Variants in ANKH observed in about 807,000 individuals in gnomAD.
The protein encoded by ANKH is mineralization regulator ANKH.
In ANKH, 15 loss-of-function variants were observed where a neutral mutation model predicts 49.0. The ratio of observed to expected loss-of-function variants is 0.31; its 90% CI spans 0.20 to 0.47. The LOEUF is 0.47. Among genes scored for constraint, ANKH ranks in the 20% least tolerant of loss-of-function variants. ANKH has a pLI of 1.00. For synonymous variants in ANKH, 273 were observed against 260.0 expected (o/e 1.05, Z -0.48); for missense variants, 429 against 652.0 (o/e 0.66, Z 3.72).
intron 1 of ANKH, among the ~76,000 whole-genome samples, chr5:14,816,093 A>G (rs1741028589): frequency 6.6e-6 from 1 of 152,216 alleles, no homozygotes; most frequent in South Asian, 2.1e-4. Flanking sequence ...CTGACCCACA[A>G]AACATCCCAG....
At position 14,713,469 on chromosome 5, in the gene ANKH, T is replaced by G. The variant is rs1737317804; in HGVS notation, c.1265+75A>C. 4 of 1,584,260 alleles carry G rather than the reference T, an allele frequency of 2.5e-6. No individual in the cohort carries two copies. Among genetic ancestry groups the G allele is most frequent in the South Asian group, 1.1e-5 (1 of 88,446 alleles). On this transcript the variant is annotated intron_variant, in intron 10 of 11. Transcript: ENST00000284268. This position sits in a 1 kb window ranked among gnomAD's most constrained non-coding sequence, Gnocchi z 4.4. ...CGTGCCTGGGGATTTCCCCTGAAAA[T>G]GTAGCTGTTAAACCTCTGGACACAG...
At chr5:14,784,369 C>T (rs911054567) in intron 1 of ANKH, among the ~76,000 whole-genome samples, 82 of 152,306 alleles carry the variant, frequency 5.4e-4, no homozygotes, top group African/African-American at 1.9e-3. Context: ...GTGCTCCTTC[C>T]TCTGCACCTC....
chr5:14,734,228 T>C (rs913930755), intron 8 of ANKH, among the ~76,000 whole-genome samples: 1 of 152,126 alleles, frequency 6.6e-6, no homozygotes, highest in Non-Finnish European at 1.5e-5. Flanking sequence ...TGCTCTGCCG[T>C]AATCATTTTT....
intron 6 of ANKH, among the ~76,000 whole-genome samples, chr5:14,746,758 AGCTTGGAGG>A (rs961830923): frequency 6.6e-6 from 1 of 152,226 alleles, no homozygotes; most frequent in Admixed American, 6.5e-5. Flanking sequence ...GAACAAGGAC[AGCTTGGAGG>A]TTGGAAGCAA....
At chr5:14,797,449 C>G in intron 1 of ANKH, 1 of 1,611,192 alleles carries the variant, frequency 6.2e-7, no homozygotes, top group Non-Finnish European at 8.5e-7. Context: ...AATATTTCAT[C>G]CTTATGTGAC....
At position 14,829,180 on chromosome 5, in the gene ANKH, G is replaced by A. The variant is rs1215508249; in HGVS notation, c.96+42172C>T. On this transcript the variant is annotated intron_variant, in intron 1 of 11. Coordinates refer to ENST00000284268, the MANE Select transcript of ANKH (RefSeq NM_054027.6). ...AGCCTGGGCGACAGAGAGAGACTCT[G>A]TCTCAAAAAAAAAAAAAAAAAAAAA... is the stretch of plus-strand genomic sequence containing the variant. Among the ~76,000 whole-genome samples, 48 of 75,366 alleles carry A rather than the reference G, an allele frequency of 6.4e-4. 1 individual carries two copies. Among genetic ancestry groups the A allele is most frequent in the African/African-American group, 3.1e-3 (44 of 14,212 alleles). The allele number at this position is 75,366 out of a possible 152,430, so 49.4% of individuals were successfully genotyped here.
chr5:14,800,766 G>A (rs545651555), intron 1 of ANKH, among the ~76,000 whole-genome samples: 9 of 96,832 alleles, frequency 9.3e-5, no homozygotes, highest in South Asian at 3.1e-4. Context: ...TTGCTCCTTT[G>A]CCCAGGTTGG....
chr5:14,793,380 G>T (rs1448918469), intron 1 of ANKH, among the ~76,000 whole-genome samples: 5 of 151,962 alleles, frequency 3.3e-5, no homozygotes, highest in Non-Finnish European at 5.9e-5. Flanking sequence ...CTCAGCCATG[G>T]TGGCTTTGCC....
chr5:14,843,147 G>C (rs1438599844), intron 1 of ANKH, among the ~76,000 whole-genome samples: 2 of 151,256 alleles, frequency 1.3e-5, no homozygotes, highest in Admixed American at 6.6e-5. Flanking sequence ...CCTAACAAAC[G>C]AGACCTTTGC....
Position 14,871,717 on chromosome 5 carries a change from A to ACGGCGG in ANKH, c.-276_-271dup, listed in dbSNP as rs531421951. 69 of 157,528 alleles carry ACGGCGG rather than the reference A, an allele frequency of 4.4e-4. No homozygotes were observed. Among genetic ancestry groups the ACGGCGG allele is most frequent in the East Asian group, 9.5e-4 (5 of 5,280 alleles). 9.8% of individuals were successfully genotyped at this position (157,528 alleles called of 1,614,324 possible). The stretch of plus-strand genomic sequence containing the variant: ...TCTGCCGGGAAAAAAAAGAGGAGGG[A>ACGGCGG]CGGCGGCGGCGGCGGCGGCGGCAGA... On this transcript the variant is annotated 5_prime_UTR_variant, in exon 1 of 12. Transcript: ENST00000284268.
chr5:14,827,316 A>G (rs1195597489), intron 1 of ANKH, among the ~76,000 whole-genome samples: 1 of 152,212 alleles, frequency 6.6e-6, no homozygotes, highest in Non-Finnish European at 1.5e-5. Flanking sequence ...GAGGAAGGTA[A>G]AACAAACATT....
At chr5:14,815,897 A>G (rs919438958) in intron 1 of ANKH, among the ~76,000 whole-genome samples, 2 of 152,330 alleles carry the variant, frequency 1.3e-5, no homozygotes, top group Admixed American at 1.3e-4. Flanking sequence ...GGCGCTGGCT[A>G]GTAAGCTAGA....
At chr5:14,784,605 G>T (rs941862177) in intron 1 of ANKH, among the ~76,000 whole-genome samples, 1 of 152,220 alleles carries the variant, frequency 6.6e-6, no homozygotes, top group Non-Finnish European at 1.5e-5. Context: ...AAGAACGTAA[G>T]TCATGTGGTT....
intron 1 of ANKH, chr5:14,797,726 C>T: frequency 1.2e-6 from 2 of 1,607,792 alleles, no homozygotes; most frequent in Non-Finnish European, 1.7e-6. Context: ...TTGCCGTATG[C>T]CCTGTAAAGA....
intron 1 of ANKH, chr5:14,868,869 G>A (rs1424404613): frequency 6.6e-6 from 1 of 152,136 alleles, no homozygotes; most frequent in East Asian, 1.9e-4. Context: ...TCATAGGCAT[G>A]AGCCACCTTG....
At chr5:14,782,968 G>A (rs1486598480) in intron 1 of ANKH, among the ~76,000 whole-genome samples, 2 of 152,222 alleles carry the variant, frequency 1.3e-5, no homozygotes, top group African/African-American at 2.4e-5. Context: ...TATTATACAA[G>A]GATCTTTAAC....
intron 1 of ANKH, among the ~76,000 whole-genome samples, chr5:14,780,941 C>T (rs1271724544): frequency 6.6e-6 from 1 of 152,152 alleles, no homozygotes; most frequent in Non-Finnish European, 1.5e-5. Context: ...CACCCTAAGT[C>T]GTCAGAAAAT....
chr5:14,825,100 A>G (rs575454444), intron 1 of ANKH, among the ~76,000 whole-genome samples: 1 of 152,302 alleles, frequency 6.6e-6, no homozygotes, highest in South Asian at 2.1e-4. Context: ...CTTAGAACAA[A>G]TATTGAGGAA....
chr5:14,728,952 C>T (rs1312225965), intron 8 of ANKH, among the ~76,000 whole-genome samples: 1 of 152,176 alleles, frequency 6.6e-6, no homozygotes, highest in Non-Finnish European at 1.5e-5. Flanking sequence ...CGCGGAAGGC[C>T]CTCTCCACTA....
Sources: gnomAD v4.1 joint callset for allele counts (sites outside exome capture counted in the v4.1 genomes callset) on GRCh38, gnomAD v4.1.1 for gene constraint, Gnocchi (gnomAD v3.1) non-coding constraint, MANE v1.5 for transcripts, NCBI Gene and HGNC (gene_info 2026-07-23, HGNC 2026-07-21) for gene names.